Variants in ZNF682 observed in about 807,000 individuals in gnomAD.
The protein encoded by ZNF682 is zinc finger protein 682.
In ZNF682, 29 loss-of-function variants were observed where a neutral mutation model predicts 36.5. That is an observed-to-expected ratio of 0.80 (90% confidence interval 0.59 to 1.08). ZNF682 has a LOEUF of 1.08. Among genes scored for constraint, ZNF682 ranks in the 50% least tolerant of loss-of-function variants. The probability of loss-of-function intolerance (pLI) is 0.00; values close to 1 mark genes in which losing one functional copy is unlikely to be tolerated. For missense variants in ZNF682, 561 were observed against 579.7 expected, an observed-to-expected ratio of 0.97 and a Z score of 0.33; for synonymous variants, 180 against 197.0, an observed-to-expected ratio of 0.91 and a Z score of 0.72.
chr19:20,029,385 G>C (rs1268143785), intron 1 of ZNF682, among the ~76,000 whole-genome samples: 4 of 151,102 alleles, frequency 2.6e-5, no homozygotes, highest in Admixed American at 2.6e-4. Context: ...TGGATCACCT[G>C]AGGTCAGGAG....
rs963558041 is a variant in ZNF682, at chr19:20,039,448, C to T, written c.-103G>A. ...CGACAGTCACCGGGAACTACTAGAG[C>T]AGAGGATACTAAGCAATGAAGATGG... On this transcript the variant is annotated 5_prime_UTR_variant, in exon 1 of 4. Transcript: ENST00000397165. The T allele has an allele frequency of 2.7e-6, 4 of 1,495,956 alleles. No homozygotes were observed. The African/African-American group carries it at 5.5e-5, about 21-fold the overall frequency. 92.7% of individuals were successfully genotyped at this position (1,495,956 alleles called of 1,614,324 possible). A position where few individuals can be genotyped will look rare whatever the true frequency, so the allele number is the denominator to read the frequency against.
At chr19:20,012,659 T>G (rs571108274) in intron 3 of ZNF682, among the ~76,000 whole-genome samples, 12 of 149,912 alleles carry the variant, frequency 8.0e-5, no homozygotes, top group Admixed American at 2.7e-4. Context: ...TCTCAGCTGC[T>G]CGGGAGGCTG....
rs373888671 is a variant in ZNF682, at chr19:20,006,185, G to T, written c.1317C>A (p.His439Gln). The T allele has an allele frequency of 1.2e-6, 2 of 1,612,564 alleles. No individual in the cohort carries two copies. The highest frequency in any genetic ancestry group is 1.7e-6 in the Non-Finnish European group (2 of 1,179,118). ...TATGAATTTTCTTATGTCTAGTAAG[G>T]TGTGAGCACCGATTAAAGGCTTTTC... is the stretch of plus-strand genomic sequence containing the variant. ...ECGKAFNRCSHLTRHKKIHTA... is the reference protein window; with the variant it reads ...ECGKAFNRCSQLTRHKKIHTA... The change falls in exon 4 of 4, where the codon CAC (histidine) becomes CAA (glutamine). Residue 439 changes from histidine (H) to glutamine (Q), a missense_variant. His to Gln is a conservative substitution (Grantham distance 24). Transcript: ENST00000397165.
At chr19:20,037,103 T>A (rs796231330) in intron 1 of ZNF682, among the ~76,000 whole-genome samples, 1 of 152,202 alleles carries the variant, frequency 6.6e-6, no homozygotes, top group Non-Finnish European at 1.5e-5. Context: ...TATTTCTAAT[T>A]TGTATTTGCT....
At chr19:20,035,485 A>C (rs2088520534) in intron 1 of ZNF682, among the ~76,000 whole-genome samples, 1 of 151,988 alleles carries the variant, frequency 6.6e-6, no homozygotes, top group Non-Finnish European at 1.5e-5. Context: ...CAGCCTCCTA[A>C]ATTCCTGGGA....
rs370395047 is a variant in ZNF682 at position 20,024,649 on chromosome 19, C to T, written c.4-273G>A. ...AGTCAGGAATTTGAGACCAGCCTGG[C>T]CAACATGGTGAAACCCTGTCTCTAC... On this transcript the variant is annotated intron_variant, in intron 1 of 3. Transcript: ENST00000397165. Among the ~76,000 whole-genome samples the T allele has an allele frequency of 3.8e-4, 58 of 152,182 alleles. 1 individual carries two copies. The East Asian group carries it at 5.6e-3, about 15-fold the overall frequency.
At chr19:20,000,705 A>C (rs1183826844), downstream of ZNF682, among the ~76,000 whole-genome samples, 2 of 152,214 alleles carry the variant, frequency 1.3e-5, no homozygotes, top group Non-Finnish European at 2.9e-5. Flanking sequence ...CTGAAGATCT[A>C]TGCAGATGTT....
intron 1 of ZNF682, among the ~76,000 whole-genome samples, chr19:20,027,708 G>A (rs11670287): frequency 2.6e-5 from 4 of 151,050 alleles, no homozygotes; most frequent in African/African-American, 9.8e-5. Context: ...GTGGTGAGCC[G>A]AGATCGCACC....
chr19:20,010,211 A>G (rs904900893), intron 3 of ZNF682, among the ~76,000 whole-genome samples: 6 of 152,208 alleles, frequency 3.9e-5, no homozygotes, highest in African/African-American at 1.4e-4. Context: ...AAATGGAAGA[A>G]TGATACCTAC....
chr19:20,014,778 CA>C (rs554191306), intron 3 of ZNF682, among the ~76,000 whole-genome samples: 1,613 of 72,056 alleles, frequency 0.022, 19 homozygotes, highest in African/African-American at 0.053. Flanking sequence ...GACTCCATCT[CA>C]AAAAAAAAAA....
intron 3 of ZNF682, chr19:20,007,824 G>A (rs1000428693): frequency 6.5e-6 from 1 of 153,450 alleles, no homozygotes; most frequent in African/African-American, 2.4e-5. Flanking sequence ...AGCTGTAGCT[G>A]ACCATAGGTG....
chr19:20,018,245 C>A (rs1481647469), intron 3 of ZNF682, among the ~76,000 whole-genome samples: 1 of 150,994 alleles, frequency 6.6e-6, no homozygotes, highest in East Asian at 1.9e-4. Context: ...AGGCGCCCGC[C>A]ACTACGCCCG....
intron 1 of ZNF682, chr19:20,039,125 G>A (rs2088560733): frequency 7.2e-7 from 1 of 1,389,952 alleles, no homozygotes; most frequent in Non-Finnish European, 9.3e-7. Flanking sequence ...GGCGGGAAGC[G>A]GGAGAACGGA....
rs2088196200 is a variant in ZNF682 at position 20,004,729 on chromosome 19, A to G, written c.*1276T>C. The stretch of plus-strand genomic sequence containing the variant: ...AAACCCCGAGCAGCAGAAATTGACC[A>G]CATGCTTTCATACAGACACTAGGAA... On this transcript the variant is annotated 3_prime_UTR_variant, in exon 4 of 4. Coordinates refer to ENST00000397165, the MANE Select transcript of ZNF682 (RefSeq NM_033196.3). 1 of 152,212 alleles carries G rather than the reference A, an allele frequency of 6.6e-6. No homozygotes were observed. Among genetic ancestry groups the G allele is most frequent in the Non-Finnish European group, 1.5e-5 (1 of 68,032 alleles). The allele number at this position is 152,212 out of a possible 1,614,324, so 9.4% of individuals were successfully genotyped here.
chr19:20,004,170 GTA>G (rs774716354), downstream of ZNF682, among the ~76,000 whole-genome samples: 2 of 152,112 alleles, frequency 1.3e-5, no homozygotes, highest in Non-Finnish European at 2.9e-5. Flanking sequence ...ATATGCCTGT[GTA>G]ATTTTCATAA....
intron 3 of ZNF682, among the ~76,000 whole-genome samples, chr19:20,017,818 G>A (rs1014341328): frequency 7.2e-5 from 11 of 152,000 alleles, no homozygotes; most frequent in Non-Finnish European, 1.6e-4. Context: ...TAAATTTAAG[G>A]AGACTGAAAT....
rs376774396 is a variant in ZNF682, at chr19:20,006,409, C to T, written c.1093G>A (p.Gly365Arg). 41 of 1,613,250 alleles carry T rather than the reference C, an allele frequency of 2.5e-5. No individual in the cohort carries two copies. Among genetic ancestry groups the T allele is most frequent in the African/African-American group, 1.1e-4 (8 of 74,820 alleles). Residue 365 changes from glycine to arginine, a missense_variant, in exon 4 of 4, where the codon GGA becomes AGA. Physicochemically the swap from Gly to Arg is moderately radical, Grantham distance 125 (BLOSUM62 -2). Transcript: ENST00000397165. ...ILTEHKVIHS[G>R]EKPYKCEKCD... ...TTTTCACATTTGTAGGGTTTCTCTC[C>T]GCTATGAATTACCTTATGTTCAGTA...
intron 3 of ZNF682, among the ~76,000 whole-genome samples, chr19:20,009,054 CAGAAA>C (rs1236092266): frequency 6.6e-6 from 1 of 152,066 alleles, no homozygotes; most frequent in Non-Finnish European, 1.5e-5. Context: ...ATCCAAATGA[CAGAAA>C]ATTCAAAAGG....
At chr19:20,037,104 T>G (rs1199897975) in intron 1 of ZNF682, among the ~76,000 whole-genome samples, 2 of 152,226 alleles carry the variant, frequency 1.3e-5, no homozygotes, top group Admixed American at 6.5e-5. Context: ...ATTTCTAATT[T>G]GTATTTGCTT....
Sources: allele counts gnomAD v4.1 joint callset (sites outside exome capture counted in the v4.1 genomes callset), GRCh38; gene constraint gnomAD v4.1.1; transcripts MANE v1.5; gene names NCBI Gene and HGNC (gene_info 2026-07-23, HGNC 2026-07-21).